Variants in EMP1 observed in about 807,000 individuals in gnomAD.
EMP1 encodes the protein epithelial membrane protein 1.
A neutral mutation model predicts 15.7 loss-of-function variants in EMP1; 5 were observed. The ratio of observed to expected loss-of-function variants is 0.32; its 90% CI spans 0.17 to 0.67. The LOEUF is 0.67. Among genes scored for constraint, EMP1 ranks in the 30% least tolerant of loss-of-function variants. The pLI is 0.74. For missense variants in EMP1, 166 were observed against 194.2 expected (o/e 0.85, Z 0.86); for synonymous variants, 78 against 76.7 (o/e 1.02, Z -0.09).
intron 1 of EMP1, among the ~76,000 whole-genome samples, chr12:13,198,953 C>T (rs115201496): frequency 1.3e-5 from 2 of 151,380 alleles, no homozygotes; most frequent in Non-Finnish European, 3.0e-5. Context: ...TTTTCCCCCC[C>T]ACTCTGCCCG....
In EMP1 at chr12:13,217,224, A is replaced by G. The variant is rs1206968563; in HGVS notation, c.*2533A>G. On this transcript the variant is annotated 3_prime_UTR_variant, in exon 5 of 5. Coordinates refer to ENST00000256951, the MANE Select transcript of EMP1 (RefSeq NM_001423.3). ...CATACCTGTGTGGGCTCTGTGAGTGAAGGGAGGCTTCACTACTTTCTGTGA... is the reference window on the plus strand; with the variant it reads ...CATACCTGTGTGGGCTCTGTGAGTGGAGGGAGGCTTCACTACTTTCTGTGA... 1 of 152,186 alleles carries G rather than the reference A, an allele frequency of 6.6e-6. No individual in the cohort carries two copies. Among genetic ancestry groups the G allele is most frequent in the African/African-American group, 2.4e-5 (1 of 41,442 alleles). 9.4% of individuals were successfully genotyped at this position (152,186 alleles called of 1,614,324 possible).
At chr12:13,199,179 A>T (rs923411685) in intron 1 of EMP1, 1 of 152,372 alleles carries the variant, frequency 6.6e-6, no homozygotes, top group Admixed American at 6.5e-5. Flanking sequence ...ATCTCCCAGG[A>T]CTGCTGGGCA....
chr12:13,204,187 A>G (rs1855785010), intron 1 of EMP1, among the ~76,000 whole-genome samples: 1 of 152,180 alleles, frequency 6.6e-6, no homozygotes, highest in Non-Finnish European at 1.5e-5. Context: ...AACATGAGCT[A>G]TGCAGAGGCC....
At chr12:13,213,933 A>G (rs1864190280) in intron 4 of EMP1, 112 bp downstream of exon 4, 2 of 1,459,198 alleles carry the variant, frequency 1.4e-6, no homozygotes, top group Non-Finnish European at 1.9e-6. Flanking sequence ...TCCTTGTGCA[A>G]TTTTCTCCTC....
At chr12:13,197,942 G>A (rs972095717) in intron 1 of EMP1, among the ~76,000 whole-genome samples, 31 of 152,136 alleles carry the variant, frequency 2.0e-4, no homozygotes, top group African/African-American at 7.2e-4. Context: ...TGTGGAGGGC[G>A]GGGGAGGCAA....
chr12:13,206,301 C>A (rs1686054684), intron 1 of EMP1, among the ~76,000 whole-genome samples: 1 of 152,174 alleles, frequency 6.6e-6, no homozygotes, highest in Non-Finnish European at 1.5e-5. Flanking sequence ...CAGATCCATA[C>A]CCTGCTTCTC....
At chr12:13,213,111 A>G (rs1263816266) in intron 2 of EMP1, among the ~76,000 whole-genome samples, 1 of 152,230 alleles carries the variant, frequency 6.6e-6, no homozygotes, top group African/African-American at 2.4e-5. Flanking sequence ...TTGTTAGAGT[A>G]TATGAACTGC....
In EMP1 at chr12:13,214,641, T is replaced by A. The variant is rs1972861277; in HGVS notation, c.424T>A (p.Cys142Ser). Residue 142 changes from cysteine to serine, a missense_variant, in exon 5 of 5, where the codon TGC becomes AGC. By Grantham distance (112) the Cys-to-Ser change is moderately radical (BLOSUM62 -1). Transcript: ENST00000256951. ...CTACATCCTGGGCTGGATCTGCTTC[T>A]GCTTCAGCTTCATCATCGGCGTTCT... ...YSYILGWICF[C>S]FSFIIGVLYL... 6.2e-7 allele frequency: 1 copy of A among 1,613,916 alleles called. No individual in the cohort carries two copies. The highest frequency in any genetic ancestry group is 8.5e-7 in the Non-Finnish European group (1 of 1,179,992).
At position 13,215,504 on chromosome 12, in the gene EMP1, A is replaced by G. The variant is rs117277462; in HGVS notation, c.*813A>G. 6.0e-3 allele frequency: 912 copies of G among 152,282 alleles called. 4 individuals carry two copies. Among genetic ancestry groups the G allele is most frequent in the Non-Finnish European group, 0.01 (707 of 68,028 alleles). The allele number at this position is 152,282 out of a possible 1,614,324, so 9.4% of individuals were successfully genotyped here. A position where few individuals can be genotyped will look rare whatever the true frequency, so the allele number is the denominator to read the frequency against. On this transcript the variant is annotated 3_prime_UTR_variant, in exon 5 of 5. Coordinates refer to ENST00000256951, the MANE Select transcript of EMP1 (RefSeq NM_001423.3). ...CGGTGGTAAAAGTACCACACAAACT[A>G]TGGGATCCAAGGGGCAGTCTTGCAA...
Position 13,218,189 on chromosome 12 carries a change from C to T in EMP1, c.*3498C>T, listed in dbSNP as rs1864231330. On this transcript the variant is annotated 3_prime_UTR_variant, in exon 5 of 5. Transcript: ENST00000256951. ...ATCAAATGGTTAATAGATAAAGATC[C>T]CACTCTGCCTTGGATTTAGCCATCG... 6.6e-6 allele frequency: 1 copy of T among 152,074 alleles called. No homozygotes were observed. Among genetic ancestry groups the T allele is most frequent in the African/African-American group, 2.4e-5 (1 of 41,396 alleles). The allele number at this position is 152,074 out of a possible 1,614,324, so 9.4% of individuals were successfully genotyped here. A position where few individuals can be genotyped will look rare whatever the true frequency, so the allele number is the denominator to read the frequency against.
At chr12:13,214,364 C>T (rs150812561) in intron 4 of EMP1, 170 bp from the exon 5 acceptor site, 84 of 836,478 alleles carry the variant, frequency 1.0e-4, no homozygotes, top group Non-Finnish European at 1.3e-4. Flanking sequence ...ATCAACATAC[C>T]GTCGAGCTTG....
In EMP1 at chr12:13,215,662, A is replaced by C. The variant is rs1864208664; in HGVS notation, c.*971A>C. The C allele has an allele frequency of 6.6e-6, 1 of 152,372 alleles. No homozygotes were observed. Among genetic ancestry groups the C allele is most frequent in the Non-Finnish European group, 1.5e-5 (1 of 68,070 alleles). The allele number at this position is 152,372 out of a possible 1,614,324, so 9.4% of individuals were successfully genotyped here. A position where few individuals can be genotyped will look rare whatever the true frequency, so the allele number is the denominator to read the frequency against. On this transcript the variant is annotated 3_prime_UTR_variant, in exon 5 of 5. Coordinates refer to ENST00000256951, the MANE Select transcript of EMP1 (RefSeq NM_001423.3). ...TATTACTCTTCCTCTAACATTTTTG[A>C]GGAAGTTTTGTCTAATTATCAATAT...
chr12:13,215,127 G>A lies in EMP1; in HGVS notation c.*436G>A. The A allele has an allele frequency of 6.1e-6, 1 of 163,742 alleles. No individual in the cohort carries two copies. Among genetic ancestry groups the A allele is most frequent in the Non-Finnish European group, 1.3e-5 (1 of 74,862 alleles). The allele number at this position is 163,742 out of a possible 1,614,324, so 10.1% of individuals were successfully genotyped here. A position where few individuals can be genotyped will look rare whatever the true frequency, so the allele number is the denominator to read the frequency against. On this transcript the variant is annotated 3_prime_UTR_variant, in exon 5 of 5. Coordinates refer to ENST00000256951, the MANE Select transcript of EMP1 (RefSeq NM_001423.3). Reference sequence around the variant, plus strand: ...TGTGCTGAATACGCTAAGCCTGGAAGCCATCCTGCCCTTCTGACCCAAAGC... The same window carrying A: ...TGTGCTGAATACGCTAAGCCTGGAAACCATCCTGCCCTTCTGACCCAAAGC...
chr12:13,210,950 G>C (rs763618531), intron 1 of EMP1, among the ~76,000 whole-genome samples: 16 of 152,228 alleles, frequency 1.1e-4, no homozygotes, highest in Non-Finnish European at 2.1e-4. Flanking sequence ...AGCCTATTCA[G>C]TATATGGGCA....
chr12:13,206,630 G>T (rs1864112595), intron 1 of EMP1, among the ~76,000 whole-genome samples: 1 of 152,208 alleles, frequency 6.6e-6, no homozygotes, highest in South Asian at 2.1e-4. Context: ...GCTGCCGCCA[G>T]GCCCCATGGC....
At chr12:13,207,872 C>T (rs2121154190) in intron 1 of EMP1, among the ~76,000 whole-genome samples, 1 of 152,312 alleles carries the variant, frequency 6.6e-6, no homozygotes, top group East Asian at 1.9e-4. Context: ...GTCTGGGAGT[C>T]TAAGCACCAC....
chr12:13,214,071 G>C (rs1019604221), intron 4 of EMP1: 2 of 667,044 alleles, frequency 3.0e-6, no homozygotes, highest in African/African-American at 1.8e-5. Context: ...TTAGTAGCAC[G>C]TGTGTACAAG....
At chr12:13,199,715 C>T (rs1431509878) in intron 1 of EMP1, among the ~76,000 whole-genome samples, 1 of 152,016 alleles carries the variant, frequency 6.6e-6, no homozygotes, top group Non-Finnish European at 1.5e-5. Context: ...TCAGTGTGTA[C>T]CTCCACACTC....
chr12:13,219,540 C>T lies in EMP1; in HGVS notation c.*4849C>T, dbSNP rs1565581644. On this transcript the variant is annotated 3_prime_UTR_variant, in exon 5 of 5. Transcript: ENST00000256951. Reference sequence around the variant, plus strand: ...CTTTCAAGTATCTTTATAGCAATGCCCCACTCCTGGTACCAAATTCCTGTA... The same window carrying T: ...CTTTCAAGTATCTTTATAGCAATGCTCCACTCCTGGTACCAAATTCCTGTA... The T allele has an allele frequency of 6.6e-6, 1 of 152,192 alleles. No homozygotes were observed. The highest frequency in any genetic ancestry group is 1.5e-5 in the Non-Finnish European group (1 of 68,036). The allele number at this position is 152,192 out of a possible 1,614,324, so 9.4% of individuals were successfully genotyped here.
Sources: gnomAD v4.1 joint callset for allele counts (sites outside exome capture counted in the v4.1 genomes callset) on GRCh38, gnomAD v4.1.1 for gene constraint, MANE v1.5 for transcripts, NCBI Gene and HGNC (gene_info 2026-07-23, HGNC 2026-07-21) for gene names.